Variants in ADSS2 observed in about 807,000 individuals in gnomAD.
ADSS2 encodes adenylosuccinate synthetase isozyme 2.
Under a neutral mutation model 60.0 loss-of-function variants are expected in ADSS2, and 30 were observed. The observed-to-expected ratio is 0.50, with a 90% CI of 0.37 to 0.68. ADSS2 has a LOEUF of 0.68. Among genes scored for constraint, ADSS2 ranks in the 30% least tolerant of loss-of-function variants. The probability of loss-of-function intolerance (pLI) is 0.00; values close to 1 mark genes in which losing one functional copy is unlikely to be tolerated. For missense variants in ADSS2, 373 were observed against 554.8 expected (o/e 0.67, Z 3.29); for synonymous variants, 187 against 193.1 (o/e 0.97, Z 0.26).
At chr1:244,423,472 G>A (rs191803353) in intron 6 of ADSS2, among the ~76,000 whole-genome samples, 4 of 152,302 alleles carry the variant, frequency 2.6e-5, no homozygotes, top group Admixed American at 2.6e-4. Context: ...GGTTTCCCAA[G>A]GAGATCTGGC....
Position 244,451,788 on chromosome 1 carries a change from T to C in ADSS2, c.30A>G (p.Ala10=). ...CGCAATCGCCGTTGGGCAGGGAGGA[T>C]GCCGCCGGGTAGGTCTCGGCGAACG... MAFAETYPA[A]SSLPNGDCGR... The change falls in exon 1 of 13, where the codon GCA becomes GCG. Residue 10 remains alanine, a synonymous_variant. Transcript: ENST00000366535. The surrounding 1 kb of genome is among the most constrained non-coding windows in gnomAD (Gnocchi z 6.6). 1.3e-6 allele frequency: 2 copies of C among 1,596,540 alleles called. No homozygotes were observed. Among genetic ancestry groups the C allele is most frequent in the South Asian group, 1.1e-5 (1 of 88,644 alleles).
intron 10 of ADSS2, 94 bp from the exon 11 acceptor site, chr1:244,416,172 C>G (rs1290630395): frequency 1.2e-6 from 1 of 829,432 alleles, no homozygotes; most frequent in Non-Finnish European, 1.9e-6. Context: ...AAAATTCATG[C>G]AAAGCTTAAA....
intron 1 of ADSS2, among the ~76,000 whole-genome samples, chr1:244,439,367 A>G (rs1665180092): frequency 6.6e-6 from 1 of 152,178 alleles, no homozygotes; most frequent in Non-Finnish European, 1.5e-5. Context: ...TTTAGCTAGT[A>G]GGTAACGAAT....
chr1:244,438,630 T>C (rs1665160144), intron 1 of ADSS2, among the ~76,000 whole-genome samples: 2 of 152,208 alleles, frequency 1.3e-5, no homozygotes, highest in African/African-American at 4.8e-5. Flanking sequence ...TAACACACTT[T>C]TAAAAGTATA....
chr1:244,451,882 G>A lies in ADSS2; in HGVS notation c.-65C>T, dbSNP rs1351453157. The A allele has an allele frequency of 1.2e-5, 17 of 1,409,738 alleles. No individual in the cohort carries two copies. The highest frequency in any genetic ancestry group is 1.3e-5 in the Non-Finnish European group (14 of 1,074,894). The allele number at this position is 1,409,738 out of a possible 1,614,324, so 87.3% of individuals were successfully genotyped here. ...CGGCGAGGAGTGAGCGAACTGAACT[G>A]CTCTGCGGCCGCCAGCCACATGCAG... is the stretch of plus-strand genomic sequence containing the variant. On this transcript the variant is annotated 5_prime_UTR_variant, in exon 1 of 13. It introduces an in-frame stop codon into an upstream open reading frame of the 5' UTR. Transcript: ENST00000366535. This position sits in a 1 kb window ranked among gnomAD's most constrained non-coding sequence, Gnocchi z 6.6.
chr1:244,422,914 A>G lies in ADSS2; in HGVS notation c.584T>C (p.Phe195Ser). The G allele has an allele frequency of 1.9e-6, 3 of 1,554,262 alleles. No homozygotes were observed. The highest frequency in any genetic ancestry group is 2.2e-5 in the East Asian group (1 of 44,446). ...VSDFDGFSERFKVLANQYKSI... is the reference protein window; with the variant it reads ...VSDFDGFSERSKVLANQYKSI... ...TTTGTATTGGTTAGCTAGAACTTTA[A>G]ACCTGAGAAACACAGATAAATCAAG... is the stretch of plus-strand genomic sequence containing the variant. Residue 195 changes from phenylalanine (F) to serine (S), a missense_variant and splice_region_variant, in exon 7 of 13, where the codon TTT (phenylalanine) becomes TCT (serine). Physicochemically the swap from Phe to Ser is radical, Grantham distance 155 (BLOSUM62 -2). Coordinates refer to ENST00000366535, the MANE Select transcript of ADSS2 (RefSeq NM_001126.5).
In ADSS2 at chr1:244,451,731, C is replaced by A; in HGVS notation, c.87G>T (p.Arg29=). 1 of 1,607,890 alleles carries A rather than the reference C, an allele frequency of 6.2e-7. No individual in the cohort carries two copies. Among genetic ancestry groups the A allele is most frequent in the Non-Finnish European group, 8.5e-7 (1 of 1,177,436 alleles). ...GRPRARPGGN[R]VTVVLGAQWG... ...ACTGCGCACCGAGCACCACCGTCAC[C>A]CGGTTTCCTCCGGGCCGCGCCCTGG... Residue 29 remains arginine (R), a synonymous_variant, in exon 1 of 13, where the codon CGG becomes CGT. Transcript: ENST00000366535. The surrounding 1 kb of genome is among the most constrained non-coding windows in gnomAD (Gnocchi z 6.6).
rs1664344869 is a variant in ADSS2 at position 244,408,915 on chromosome 1, CTT to C, written c.*669_*670del. The C allele has an allele frequency of 6.6e-6, 1 of 152,524 alleles. No homozygotes were observed. Among genetic ancestry groups the C allele is most frequent in the African/African-American group, 2.4e-5 (1 of 41,434 alleles). The allele number at this position is 152,524 out of a possible 1,614,324, so 9.4% of individuals were successfully genotyped here. A position where few individuals can be genotyped will look rare whatever the true frequency, so the allele number is the denominator to read the frequency against. On this transcript the variant is annotated 3_prime_UTR_variant, in exon 13 of 13. Coordinates refer to ENST00000366535, the MANE Select transcript of ADSS2 (RefSeq NM_001126.5). The stretch of plus-strand genomic sequence containing the variant: ...TGTTGTTTTGGGAAACATCTATTCT[CTT>C]TGAACATTTCACTAAATTTTCAATG...
chr1:244,425,217 A>G (rs1189776550), intron 4 of ADSS2, among the ~76,000 whole-genome samples: 2 of 152,202 alleles, frequency 1.3e-5, no homozygotes, highest in Non-Finnish European at 1.5e-5. Flanking sequence ...TTTATAGAAG[A>G]GGCAAAACTA....
chr1:244,451,872 G>A lies in ADSS2; in HGVS notation c.-55C>T, dbSNP rs902163172. On this transcript the variant is annotated 5_prime_UTR_variant, in exon 1 of 13. Transcript: ENST00000366535. This position sits in a 1 kb window ranked among gnomAD's most constrained non-coding sequence, Gnocchi z 6.6. ...GAGAGGCGGCCGGCGAGGAGTGAGC[G>A]AACTGAACTGCTCTGCGGCCGCCAG... 327 of 1,468,076 alleles carry A rather than the reference G, an allele frequency of 2.2e-4. No individual in the cohort carries two copies. The highest frequency in any genetic ancestry group is 2.8e-4 in the Non-Finnish European group (311 of 1,106,514). 90.9% of individuals were successfully genotyped at this position (1,468,076 alleles called of 1,614,324 possible).
chr1:244,427,254 A>G (rs2147999943), intron 4 of ADSS2, among the ~76,000 whole-genome samples: 1 of 152,248 alleles, frequency 6.6e-6, no homozygotes, highest in African/African-American at 2.4e-5. Context: ...AACTGTTTAA[A>G]CCTTCTAAGT....
At position 244,409,576 on chromosome 1, in the gene ADSS2, C is replaced by T. The variant is rs763477587; in HGVS notation, c.*10G>A. On this transcript the variant is annotated 3_prime_UTR_variant, in exon 13 of 13. Transcript: ENST00000366535. ...CTCTCAAGGAGTGTTTCTTGCATTA[C>T]TGGCAATCATTAAAAGAGTTGAATC... 7.5e-6 allele frequency: 12 copies of T among 1,600,250 alleles called. No homozygotes were observed. In the Admixed American group the frequency reaches 8.4e-5, roughly 11 times the overall value.
chr1:244,451,732 C>G lies in ADSS2; in HGVS notation c.86G>C (p.Arg29Pro). The change falls in exon 1 of 13, where the codon CGG becomes CCG. Residue 29 changes from arginine to proline, a missense_variant. By Grantham distance (103) the Arg-to-Pro change is moderately radical. Around this residue, in one of 5 missense-constraint regions of ADSS2, gnomAD observed 47 missense variants for 48.3 expected, o/e 0.97. Transcript: ENST00000366535. This position sits in a 1 kb window ranked among gnomAD's most constrained non-coding sequence, Gnocchi z 6.6. The part of the protein sequence containing the change: ...GRPRARPGGN[R>P]VTVVLGAQWG... ...CTGCGCACCGAGCACCACCGTCACC[C>G]GGTTTCCTCCGGGCCGCGCCCTGGG... 1 of 1,607,750 alleles carries G rather than the reference C, an allele frequency of 6.2e-7. No homozygotes were observed. The highest frequency in any genetic ancestry group is 8.5e-7 in the Non-Finnish European group (1 of 1,177,374).
At chr1:244,420,574 C>A (rs1032764818) in intron 7 of ADSS2, among the ~76,000 whole-genome samples, 2 of 152,070 alleles carry the variant, frequency 1.3e-5, no homozygotes, top group Non-Finnish European at 2.9e-5. Flanking sequence ...ACCCTCCCAG[C>A]AAAGTAGTCA....
At chr1:244,452,031 C>T, upstream of ADSS2, 2 of 427,154 alleles carry the variant, frequency 4.7e-6, no homozygotes, top group Non-Finnish European at 8.0e-6. Context: ...CCGCGCAGGC[C>T]GGCCTCGGCA....
At chr1:244,438,722 C>T (rs1221015112) in intron 1 of ADSS2, among the ~76,000 whole-genome samples, 1 of 152,106 alleles carries the variant, frequency 6.6e-6, no homozygotes, top group Non-Finnish European at 1.5e-5. Context: ...ACTATATTGC[C>T]TCAGAATCAC....
chr1:244,409,715 C>G lies in ADSS2; in HGVS notation c.1319-77G>C, dbSNP rs151041129. ...ACTCGTTGGGATTAAAACAGGTAGT[C>G]CCCTACTTTTCTCAGTATCACCATA... is the stretch of plus-strand genomic sequence containing the variant. On this transcript the variant is annotated intron_variant, in intron 12 of 12. Transcript: ENST00000366535. 2.6e-6 allele frequency: 3 copies of G among 1,161,162 alleles called. No homozygotes were observed. The South Asian group carries it at 3.9e-5, about 15-fold the overall frequency. The allele number at this position is 1,161,162 out of a possible 1,614,324, so 71.9% of individuals were successfully genotyped here.
At chr1:244,438,569 A>C (rs1456711389) in intron 1 of ADSS2, among the ~76,000 whole-genome samples, 1 of 147,026 alleles carries the variant, frequency 6.8e-6, no homozygotes, top group Non-Finnish European at 1.5e-5. Context: ...AGAAAACACA[A>C]GTTTTTACAT....
rs1239958969 is a variant in ADSS2 at position 244,451,125 on chromosome 1, G to C, written c.183+510C>G. Among the ~76,000 whole-genome samples, 1 of 152,196 alleles carries C rather than the reference G, an allele frequency of 6.6e-6. No homozygotes were observed. Among genetic ancestry groups the C allele is most frequent in the African/African-American group, 2.4e-5 (1 of 41,448 alleles). ...ACTGCATGCCACGGTCCTGCAGATGGGGGATCGGTGAGTCTGATTTCAGGA... is the reference window on the plus strand; with the variant it reads ...ACTGCATGCCACGGTCCTGCAGATGCGGGATCGGTGAGTCTGATTTCAGGA... On this transcript the variant is annotated intron_variant, in intron 1 of 12. Transcript: ENST00000366535. The surrounding 1 kb of genome is among the most constrained non-coding windows in gnomAD (Gnocchi z 6.6).
Sources: gnomAD v4.1 joint callset for allele counts (sites outside exome capture counted in the v4.1 genomes callset) on GRCh38, gnomAD v4.1.1 for gene constraint, gnomAD v4.1.1 regional missense constraint, Gnocchi (gnomAD v3.1) non-coding constraint, MANE v1.5 for transcripts, NCBI Gene and HGNC (gene_info 2026-07-23, HGNC 2026-07-21) for gene names.